The following URI1 variants were observed in gnomAD, a reference collection of about 807,000 sequenced individuals.
URI1 encodes unconventional prefoldin RPB5 interactor 1.
Under a neutral mutation model 60.2 loss-of-function variants are expected in URI1, and 39 were observed. That is an observed-to-expected ratio of 0.65 (90% CI 0.50 to 0.85). The LOEUF (loss-of-function observed/expected upper bound fraction) is 0.85, where lower values mean the gene tolerates loss of function less well. URI1 is among the 40% of genes least tolerant of loss of function. The pLI, the probability that URI1 is intolerant of heterozygous loss-of-function variation, is 0.00. For synonymous variants in URI1, 251 were observed against 236.8 expected (o/e 1.06, Z -0.55); for missense variants, 691 against 665.9 (o/e 1.04, Z -0.42).
rs192142422 is a variant in URI1 at position 29,942,755 on chromosome 19, G to T, written c.117+91G>T. On this transcript the variant is annotated intron_variant, in intron 1 of 10. Transcript: ENST00000392271. Reference sequence around the variant, plus strand: ...CGCCGCCCCGCGTGGCCTAGGCCCAGCTGCCCGGGCCCCCGGAGGGAACGG... The same window carrying T: ...CGCCGCCCCGCGTGGCCTAGGCCCATCTGCCCGGGCCCCCGGAGGGAACGG... 1,195 of 1,258,168 alleles carry T rather than the reference G, an allele frequency of 9.5e-4. 6 individuals carry two copies. The African/African-American group carries it at 0.013, about 14-fold the overall frequency. 77.9% of individuals were successfully genotyped at this position (1,258,168 alleles called of 1,614,324 possible).
At position 30,011,214 on chromosome 19, in the gene URI1, A is replaced by G. The variant is rs778999345; in HGVS notation, c.1156A>G (p.Arg386Gly). The G allele has an allele frequency of 6.2e-7, 1 of 1,610,852 alleles. No individual in the cohort carries two copies. The highest frequency in any genetic ancestry group is 2.2e-5 in the East Asian group (1 of 44,686). ...GHSAQELPTIRTPADIYRAFV... is the reference protein window; with the variant it reads ...GHSAQELPTIGTPADIYRAFV... ...CTCTGCCCAGGAGCTGCCGACCATC[A>G]GGACGCCTGCAGACATTTACAGGTG... The change falls in exon 9 of 11, where the codon AGG becomes GGG. Residue 386 changes from arginine to glycine, a missense_variant. Physicochemically the swap from Arg to Gly is moderately radical, Grantham distance 125 (BLOSUM62 -2). Coordinates refer to ENST00000392271, the MANE Select transcript of URI1 (RefSeq NM_003796.3).
chr19:29,960,371 G>A (rs1232050783), intron 1 of URI1, among the ~76,000 whole-genome samples: 1 of 152,040 alleles, frequency 6.6e-6, no homozygotes, highest in African/African-American at 2.4e-5. Context: ...ATTGAGATAT[G>A]TATTAAAATA....
At chr19:29,956,626 T>C in intron 1 of URI1, 1 of 1,502,836 alleles carries the variant, frequency 6.7e-7, no homozygotes. Flanking sequence ...CCTGCGGATG[T>C]ATTTTTCACC....
At chr19:29,933,391 G>T (rs112922927) in intron 1 of URI1, among the ~76,000 whole-genome samples, 3 of 152,048 alleles carry the variant, frequency 2.0e-5, no homozygotes, top group Non-Finnish European at 2.9e-5. Context: ...AAGGTTTTCT[G>T]ATTTTTTGGA....
At chr19:29,929,472 C>T (rs529098478) in intron 1 of URI1, among the ~76,000 whole-genome samples, 1 of 152,232 alleles carries the variant, frequency 6.6e-6, no homozygotes, top group East Asian at 1.9e-4. Flanking sequence ...TGGCAGGTGC[C>T]TGTAATCCCA....
At chr19:30,007,891 T>C (rs945965810) in intron 7 of URI1, among the ~76,000 whole-genome samples, 2 of 152,126 alleles carry the variant, frequency 1.3e-5, no homozygotes, top group Non-Finnish European at 2.9e-5. Flanking sequence ...TCTTCATTTT[T>C]TATTATGGCC....
chr19:30,015,699 G>A lies in URI1; in HGVS notation c.*630G>A, dbSNP rs1217072760. On this transcript the variant is annotated 3_prime_UTR_variant, in exon 11 of 11. Transcript: ENST00000392271. ...TCCAAGTAAAAACTTTATGAAACTT[G>A]GTCTCAAAAATGTTGTGAACTTTAT... 9.7e-7 allele frequency: 1 copy of A among 1,027,114 alleles called. No individual in the cohort carries two copies. Among genetic ancestry groups the A allele is most frequent in the African/African-American group, 1.6e-5 (1 of 61,316 alleles). The allele number at this position is 1,027,114 out of a possible 1,614,324, so 63.6% of individuals were successfully genotyped here.
At position 30,005,669 on chromosome 19, in the gene URI1, G is replaced by T; in HGVS notation, c.478G>T (p.Asp160Tyr). The T allele has an allele frequency of 6.2e-7, 1 of 1,611,602 alleles. No individual in the cohort carries two copies. The highest frequency in any genetic ancestry group is 1.1e-5 in the South Asian group (1 of 90,738). Reference sequence around the variant, plus strand: ...AAACCAGGCTGCAGGTGATATTGTTGACATACGAGAAGAAATTAAATGTGA... The same window carrying T: ...AAACCAGGCTGCAGGTGATATTGTTTACATACGAGAAGAAATTAAATGTGA... ...KMSDAAGDIV[D>Y]IREEIKCDFE... Residue 160 changes from aspartate to tyrosine, a missense_variant, in exon 6 of 11, where the codon GAC (aspartate) becomes TAC (tyrosine). Coordinates refer to ENST00000392271, the MANE Select transcript of URI1 (RefSeq NM_003796.3).
At position 30,007,542 on chromosome 19, in the gene URI1, A is replaced by G. The variant is rs757953945; in HGVS notation, c.590A>G (p.Asn197Ser). The G allele has an allele frequency of 8.1e-6, 13 of 1,613,542 alleles. No individual in the cohort carries two copies. The highest frequency in any genetic ancestry group is 5.5e-5 in the South Asian group (5 of 91,068). The change falls in exon 7 of 11, where the codon AAT becomes AGT. Residue 197 changes from asparagine (N) to serine (S), a missense_variant. By Grantham distance (46) the Asn-to-Ser change is conservative. Coordinates refer to ENST00000392271, the MANE Select transcript of URI1 (RefSeq NM_003796.3). Reference protein sequence around the residue: ...TSDIFEADIANDVKSKDLLAD... With the variant: ...TSDIFEADIASDVKSKDLLAD... ...GATATTTTTGAAGCAGATATTGCAA[A>G]TGATGTGAAATCCAAGGATTTGCTA...
At chr19:29,930,552 G>C (rs755962410) in intron 1 of URI1, among the ~76,000 whole-genome samples, 7 of 151,654 alleles carry the variant, frequency 4.6e-5, no homozygotes, top group Non-Finnish European at 8.8e-5. Flanking sequence ...CTTATGTAAG[G>C]CACCATTTAT....
intron 1 of URI1, 183 bp from the exon 2 acceptor site, chr19:29,971,010 G>T: frequency 3.3e-6 from 2 of 608,888 alleles, no homozygotes; most frequent in South Asian, 2.0e-5. Context: ...GCATTAGAGG[G>T]TTATGATAAA....
chr19:29,980,278 C>CAT (rs2055576318), intron 2 of URI1: 1 of 151,896 alleles, frequency 6.6e-6, no homozygotes, highest in Admixed American at 6.6e-5. Context: ...CAGCATATGC[C>CAT]ATAGGCTTGT....
chr19:29,949,329 T>C (rs335044), intron 1 of URI1, among the ~76,000 whole-genome samples: 3,723 of 122,444 alleles, frequency 0.03, 164 homozygotes, highest in African/African-American at 0.11. Context: ...GGGGCGGAGG[T>C]GCTCCCCACA....
At chr19:29,932,477 C>T (rs1050467717) in intron 1 of URI1, among the ~76,000 whole-genome samples, 3 of 151,868 alleles carry the variant, frequency 2.0e-5, no homozygotes, top group East Asian at 3.9e-4. Flanking sequence ...CCACCGCACC[C>T]GGCTAATTTT....
At chr19:30,013,593 C>T (rs949328149) in intron 10 of URI1, among the ~76,000 whole-genome samples, 11 of 152,058 alleles carry the variant, frequency 7.2e-5, no homozygotes, top group African/African-American at 2.4e-4. Context: ...AGTGTGGAAC[C>T]TATTTTTTAT....
Position 30,007,565 on chromosome 19 carries a change from C to A in URI1, c.613C>A (p.Leu205Ile). The A allele has an allele frequency of 6.2e-7, 1 of 1,613,296 alleles. No individual in the cohort carries two copies. The highest frequency in any genetic ancestry group is 8.5e-7 in the Non-Finnish European group (1 of 1,179,564). The change falls in exon 7 of 11, where the codon CTA becomes ATA. Residue 205 changes from leucine to isoleucine, a missense_variant. Coordinates refer to ENST00000392271, the MANE Select transcript of URI1 (RefSeq NM_003796.3). ...IANDVKSKDL[L>I]ADKELWARLE... The stretch of plus-strand genomic sequence containing the variant: ...AAATGATGTGAAATCCAAGGATTTG[C>A]TAGCTGATAAAGAACTGTGGGCTCG...
chr19:29,931,610 T>A (rs1242366339), intron 1 of URI1, among the ~76,000 whole-genome samples: 1 of 152,170 alleles, frequency 6.6e-6, no homozygotes, highest in Non-Finnish European at 1.5e-5. Flanking sequence ...CCCATAACAA[T>A]TGTCATCTTA....
chr19:29,968,830 C>T (rs2055423327), intron 1 of URI1, among the ~76,000 whole-genome samples: 1 of 151,704 alleles, frequency 6.6e-6, no homozygotes, highest in South Asian at 2.1e-4. Context: ...CTCAGCCTCC[C>T]AAAGTGCTGG....
rs764568096 is a variant in URI1 at position 30,007,643 on chromosome 19, TTGA to T, written c.686+9_686+11del. Reference sequence around the variant, plus strand: ...ATTGCTGGGTGAACTTGATAGGTACTTGATGACAAATTATCTTTCCAAGATAAT... The same window carrying T: ...ATTGCTGGGTGAACTTGATAGGTACTTGACAAATTATCTTTCCAAGATAAT... On this transcript the variant is annotated splice_donor_region_variant and intron_variant, in intron 7 of 10. Transcript: ENST00000392271. 62 of 1,578,318 alleles carry T rather than the reference TTGA, an allele frequency of 3.9e-5. No homozygotes were observed. Among genetic ancestry groups the T allele is most frequent in the Non-Finnish European group, 5.1e-5 (59 of 1,165,630 alleles).
Sources: gnomAD v4.1 joint callset for allele counts (sites outside exome capture counted in the v4.1 genomes callset) on GRCh38, gnomAD v4.1.1 for gene constraint, MANE v1.5 for transcripts, NCBI Gene and HGNC (gene_info 2026-07-23, HGNC 2026-07-21) for gene names.